CRIM1: variants seen among roughly 807,000 people sequenced by gnomAD.
The protein encoded by CRIM1 is cysteine rich transmembrane BMP regulator 1.
A neutral mutation model predicts 116.4 loss-of-function variants in CRIM1; 32 were observed. The observed-to-expected ratio is 0.27, with a 90% CI of 0.21 to 0.37. CRIM1 has a LOEUF of 0.37. Ranked by LOEUF, CRIM1 falls within the 10% of genes least tolerant of loss-of-function variation. CRIM1 has a pLI of 1.00. For missense variants in CRIM1, 1,331 were observed against 1,354.8 expected (o/e 0.98, Z 0.28); for synonymous variants, 590 against 509.2 (o/e 1.16, Z -2.13).
intron 4 of CRIM1, among the ~76,000 whole-genome samples, chr2:36,450,483 A>C (rs964468555): frequency 2.0e-5 from 3 of 152,200 alleles, no homozygotes; most frequent in African/African-American, 7.2e-5. Flanking sequence ...TCTTTTCCTA[A>C]CTTTATGATT....
At chr2:36,383,216 T>C (rs1373522404) in intron 1 of CRIM1, among the ~76,000 whole-genome samples, 1 of 152,246 alleles carries the variant, frequency 6.6e-6, no homozygotes, top group Admixed American at 6.5e-5. Context: ...CATTTTCTTT[T>C]GGAAGCAAAT....
At chr2:36,358,559 G>A (rs1669009374) in intron 1 of CRIM1, among the ~76,000 whole-genome samples, 4 of 152,144 alleles carry the variant, frequency 2.6e-5, no homozygotes, top group Admixed American at 6.5e-5. Flanking sequence ...AGTTATTTTG[G>A]CAGTTTCGTG....
rs556107514 is a variant in CRIM1 at position 36,474,036 on chromosome 2, A to G, written c.992-2853A>G. ...TCGTTACTATTTTTTAATTATATCC[A>G]TCATAGTGGGTGTGAAATGGTGTTC... On this transcript the variant is annotated intron_variant, in intron 5 of 16. Transcript: ENST00000280527. Among the ~76,000 whole-genome samples the G allele has an allele frequency of 2.0e-4, 31 of 152,276 alleles. 1 individual carries two copies. Among genetic ancestry groups the G allele is most frequent in the African/African-American group, 7.5e-4 (31 of 41,564 alleles).
intron 1 of CRIM1, among the ~76,000 whole-genome samples, chr2:36,367,890 C>T (rs1031648296): frequency 3.3e-5 from 5 of 152,162 alleles, no homozygotes; most frequent in Admixed American, 2.6e-4. Context: ...GCTGCCTTCC[C>T]TTTCTCCATT....
chr2:36,441,528 T>G, intron 3 of CRIM1, 28 bp downstream of exon 3: 1 of 1,600,438 alleles, frequency 6.2e-7, no homozygotes, highest in Admixed American at 1.7e-5. Context: ...CTCAGCAGCC[T>G]TGTTCCTTTG....
chr2:36,510,923 C>CTTTTTTT (rs1013951561), intron 9 of CRIM1, among the ~76,000 whole-genome samples: 32 of 109,134 alleles, frequency 2.9e-4, no homozygotes, highest in African/African-American at 7.4e-4. Context: ...GATTCCTTTT[C>CTTTTTTT]TTTTTTTTTT....
chr2:36,448,595 C>T (rs542997600), intron 4 of CRIM1, among the ~76,000 whole-genome samples: 186 of 152,262 alleles, frequency 1.2e-3, no homozygotes, highest in Non-Finnish European at 2.0e-3. Flanking sequence ...CTGTAAGTCA[C>T]GAGTTTTTTA....
At chr2:36,534,891 T>A (rs959737533) in intron 13 of CRIM1, among the ~76,000 whole-genome samples, 2 of 152,138 alleles carry the variant, frequency 1.3e-5, no homozygotes, top group Non-Finnish European at 2.9e-5. Context: ...TTCAGTGATA[T>A]TGCATTGTAT....
rs879840679 is a variant in CRIM1, at chr2:36,445,484, TCC to T, written c.869+2750_869+2751del. On this transcript the variant is annotated intron_variant, in intron 4 of 16. Coordinates refer to ENST00000280527, the MANE Select transcript of CRIM1 (RefSeq NM_016441.3). ...CCTAGAAACTTCCCACATAATCCTT[TCC>T]TATGCTGTCAGTTAATTATCGACTT... Among the ~76,000 whole-genome samples the T allele has an allele frequency of 3.7e-3, 560 of 152,336 alleles. 6 individuals are homozygous for T. The Middle Eastern group carries it at 0.068, about 19-fold the overall frequency.
At chr2:36,431,086 A>G (rs1245584951) in intron 2 of CRIM1, among the ~76,000 whole-genome samples, 1 of 151,948 alleles carries the variant, frequency 6.6e-6, no homozygotes, top group Non-Finnish European at 1.5e-5. Context: ...ACCCATGCCT[A>G]TGAGTGTGTG....
chr2:36,540,324 G>A (rs543518134), intron 14 of CRIM1, among the ~76,000 whole-genome samples: 4 of 152,256 alleles, frequency 2.6e-5, no homozygotes, highest in South Asian at 2.1e-4. Context: ...CTCCCATTGC[G>A]AGTTATGGTT....
chr2:36,453,725 G>A (rs1435452769), intron 4 of CRIM1, among the ~76,000 whole-genome samples: 1 of 152,212 alleles, frequency 6.6e-6, no homozygotes, highest in Non-Finnish European at 1.5e-5. Context: ...AGTCATTGTA[G>A]TTTAAAGTGT....
At chr2:36,546,525 T>C (rs1667344356) in intron 15 of CRIM1, among the ~76,000 whole-genome samples, 1 of 152,156 alleles carries the variant, frequency 6.6e-6, no homozygotes, top group Admixed American at 6.5e-5. Context: ...CTAATTAGTC[T>C]TAGCTATTAA....
At chr2:36,495,306 C>T (rs908645748) in intron 7 of CRIM1, among the ~76,000 whole-genome samples, 4 of 152,016 alleles carry the variant, frequency 2.6e-5, no homozygotes, top group African/African-American at 4.8e-5. Flanking sequence ...GACCAAAATC[C>T]GACAGGCAAT....
At chr2:36,399,339 T>A (rs1405109218) in intron 2 of CRIM1, among the ~76,000 whole-genome samples, 1 of 152,198 alleles carries the variant, frequency 6.6e-6, no homozygotes, top group East Asian at 1.9e-4. Context: ...ATAATGGCAG[T>A]CAAGAGGCTC....
At chr2:36,413,080 G>C (rs576094197) in intron 2 of CRIM1, among the ~76,000 whole-genome samples, 3 of 152,168 alleles carry the variant, frequency 2.0e-5, no homozygotes, top group Non-Finnish European at 4.4e-5. Context: ...GCATTTGGGA[G>C]GGACTCAGGC....
At chr2:36,519,959 A>T (rs751747154) in intron 12 of CRIM1, among the ~76,000 whole-genome samples, 1 of 152,240 alleles carries the variant, frequency 6.6e-6, no homozygotes, top group Non-Finnish European at 1.5e-5. Context: ...CAGTGAAAAC[A>T]CTGGTAAAGA....
At chr2:36,464,469 T>G (rs1677838817) in intron 4 of CRIM1, 65 bp from the exon 5 acceptor site, 1 of 1,588,618 alleles carries the variant, frequency 6.3e-7, no homozygotes. Context: ...ACTTTGTTTG[T>G]GGTCTCCCGA....
chr2:36,534,629 T>A (rs1367639642), intron 13 of CRIM1, among the ~76,000 whole-genome samples: 3 of 101,340 alleles, frequency 3.0e-5, no homozygotes, highest in South Asian at 2.9e-4. Context: ...GGAAGGAAAA[T>A]ACAGACAGGA....
Sources: allele counts gnomAD v4.1 joint callset (sites outside exome capture counted in the v4.1 genomes callset), GRCh38; gene constraint gnomAD v4.1.1; transcripts MANE v1.5; gene names NCBI Gene and HGNC (gene_info 2026-07-23, HGNC 2026-07-21).